Variants in TENM1 observed in about 807,000 individuals in gnomAD.
TENM1 encodes teneurin transmembrane protein 1, also known as teneurin-1.
In TENM1, 35 loss-of-function variants were observed where a neutral mutation model predicts 174.8. That is an observed-to-expected ratio of 0.20 (90% CI 0.15 to 0.27). The LOEUF (loss-of-function observed/expected upper bound fraction) is 0.27, where lower values mean the gene tolerates loss of function less well. TENM1 is among the 10% of genes least tolerant of loss of function. The probability of loss-of-function intolerance (pLI) is 1.00; values close to 1 mark genes in which losing one functional copy is unlikely to be tolerated. For synonymous variants in TENM1, 781 were observed against 798.7 expected (o/e 0.98, Z 0.37); for missense variants, 1,633 against 2,130.1 (o/e 0.77, Z 4.59).
the TENM1 span, among the ~76,000 whole-genome samples, chrX:125,070,450 C>T: frequency 9.0e-6 from 1 of 110,648 alleles, no homozygotes; most frequent in Non-Finnish European, 1.9e-5. Flanking sequence ...GCACAGTTTG[C>T]GAATATTTTC....
the TENM1 span, among the ~76,000 whole-genome samples, chrX:125,039,579 T>C: frequency 9.0e-6 from 1 of 111,335 alleles, no homozygotes; most frequent in Non-Finnish European, 1.9e-5. Context: ...TAGGTAAACC[T>C]GAACCTAATA....
At chrX:124,665,465 C>T (rs2051733707) in intron 6 of TENM1, among the ~76,000 whole-genome samples, 1 of 112,684 alleles carries the variant, frequency 8.9e-6, no homozygotes, top group Non-Finnish European at 1.9e-5. Flanking sequence ...GTCAAAACTC[C>T]AAACTTATAA....
At chrX:124,933,153 T>C (rs1285878566) in intron 1 of TENM1, among the ~76,000 whole-genome samples, 1 of 112,310 alleles carries the variant, frequency 8.9e-6, no homozygotes, top group African/African-American at 3.2e-5. Context: ...AATTAACCTC[T>C]GCTTTTCATG....
At chrX:124,422,161 C>T (rs1020089494) in intron 24 of TENM1, 111 bp downstream of exon 27, 33 of 977,551 alleles carry the variant, frequency 3.4e-5, no homozygotes, top group Non-Finnish European at 4.3e-5. Context: ...TAGCTCATAC[C>T]AATGTTTGCA....
chrX:125,028,769 A>G, the TENM1 span, among the ~76,000 whole-genome samples: 199 of 112,100 alleles, frequency 1.8e-3, no homozygotes, highest in African/African-American at 6.1e-3. Flanking sequence ...AACCAATAAA[A>G]AACAAAGAAA....
intron 11 of TENM1, among the ~76,000 whole-genome samples, chrX:124,615,820 T>C (rs1223520586): frequency 8.9e-6 from 1 of 111,886 alleles, no homozygotes; most frequent in Non-Finnish European, 1.9e-5. Context: ...ACTAGAGCCC[T>C]GTAATAAGTA....
intron 3 of TENM1, among the ~76,000 whole-genome samples, chrX:124,759,067 G>A (rs1457125288): frequency 9.0e-6 from 1 of 111,693 alleles, no homozygotes; most frequent in African/African-American, 3.2e-5. Context: ...AAAAAGTCAT[G>A]CCATTTCTTC....
intron 1 of TENM1, among the ~76,000 whole-genome samples, chrX:124,951,683 T>C (rs2058491480): frequency 2.6e-5 from 2 of 76,545 alleles, no homozygotes; most frequent in Admixed American, 1.5e-4. Flanking sequence ...TAACAATCAA[T>C]GTGACAAATA....
chrX:124,724,894 T>C (rs2053410742), intron 4 of TENM1, among the ~76,000 whole-genome samples: 1 of 111,578 alleles, frequency 9.0e-6, no homozygotes, highest in Non-Finnish European at 1.9e-5. Context: ...TCTGTCTTCA[T>C]GAGTGGAATT....
chrX:124,501,976 C>A (rs1261025562), intron 19 of TENM1, among the ~76,000 whole-genome samples: 1 of 107,266 alleles, frequency 9.3e-6, no homozygotes, highest in Non-Finnish European at 1.9e-5. Flanking sequence ...AAAAGACTAT[C>A]CAAAGGAAGG....
At chrX:124,517,410 C>T (rs6649248) in intron 18 of TENM1, among the ~76,000 whole-genome samples, 4,799 of 109,645 alleles carry the variant, frequency 0.044, 263 homozygotes, top group African/African-American at 0.15. Context: ...TTGGAACCAA[C>T]CCAAATGTCC....
the TENM1 span, among the ~76,000 whole-genome samples, chrX:125,013,135 T>G: frequency 9.0e-6 from 1 of 111,589 alleles, no homozygotes; most frequent in Non-Finnish European, 1.9e-5. Flanking sequence ...GTGAAGTTAC[T>G]TATTTTTTCT....
intron 11 of TENM1, among the ~76,000 whole-genome samples, chrX:124,573,074 G>T (rs1019228352): frequency 9.0e-6 from 1 of 111,215 alleles, no homozygotes; most frequent in African/African-American, 3.3e-5. Flanking sequence ...TAATACTAGG[G>T]GGTGTGTATG....
intron 18 of TENM1, among the ~76,000 whole-genome samples, chrX:124,516,211 G>GAAAGACTTA (rs1408773171): frequency 1.3e-4 from 14 of 111,882 alleles, no homozygotes; most frequent in African/African-American, 4.5e-4. Context: ...CAAGATGGAT[G>GAAAGACTTA]AAAGACTTAA....
chrX:124,671,485 A>G (rs1474978525), intron 6 of TENM1, among the ~76,000 whole-genome samples, 198 bp downstream of exon 9: 10 of 111,419 alleles, frequency 9.0e-5, no homozygotes, highest in African/African-American at 2.6e-4. Context: ...TGAAAACTTT[A>G]ATTGGTTTAT....
At chrX:124,869,236 GA>G (rs1182143808) in intron 3 of TENM1, among the ~76,000 whole-genome samples, 40 of 99,261 alleles carry the variant, frequency 4.0e-4, no homozygotes, top group Middle Eastern at 5.1e-3. Context: ...CTGTTTCAAG[GA>G]AAAAAAAAAA....
intron 25 of TENM1, among the ~76,000 whole-genome samples, chrX:124,415,555 A>C (rs932085568): frequency 9.0e-6 from 1 of 111,656 alleles, no homozygotes; most frequent in African/African-American, 3.3e-5. Context: ...ACTCTGGATA[A>C]GCCAACTAGC....
chrX:124,391,208 G>C (rs2060278273), intron 28 of TENM1, among the ~76,000 whole-genome samples: 1 of 111,822 alleles, frequency 8.9e-6, no homozygotes, highest in Non-Finnish European at 1.9e-5. Context: ...AGAACATCTA[G>C]AAGCTACCTT....
chrX:124,810,632 T>C (rs1293609863), intron 3 of TENM1, among the ~76,000 whole-genome samples: 2 of 111,604 alleles, frequency 1.8e-5, no homozygotes, highest in African/African-American at 3.3e-5. Context: ...CAATGCGATA[T>C]ACAGATCCAA....
Sources: allele counts gnomAD v4.1 joint callset (sites outside exome capture counted in the v4.1 genomes callset), GRCh38; gene constraint gnomAD v4.1.1; transcripts MANE v1.5; gene names NCBI Gene and HGNC (gene_info 2026-07-23, HGNC 2026-07-21).